UTRN: variants seen among roughly 807,000 people sequenced by gnomAD.
UTRN encodes dystrophin-related protein 1.
Under a neutral mutation model 463.9 loss-of-function variants are expected in UTRN, and 283 were observed. The ratio of observed to expected loss-of-function variants is 0.61; its 90% CI spans 0.55 to 0.67. The LOEUF (loss-of-function observed/expected upper bound fraction) is 0.67, where lower values mean the gene tolerates loss of function less well. UTRN is among the 30% of genes least tolerant of loss of function. The pLI, the probability that UTRN is intolerant of heterozygous loss-of-function variation, is 0.00. For missense variants in UTRN, 3,922 were observed against 4,084.3 expected (o/e 0.96, Z 1.08); for synonymous variants, 1,442 against 1,431.5 (o/e 1.01, Z -0.17).
intron 2 of UTRN, chr6:144,333,086 C>T (rs1420527941): frequency 6.6e-6 from 1 of 151,982 alleles, no homozygotes; most frequent in Non-Finnish European, 1.5e-5. Flanking sequence ...AGGCTCCCAC[C>T]ACCACACGTG....
chr6:144,346,450 G>A (rs1024614783), intron 2 of UTRN, among the ~76,000 whole-genome samples: 3 of 152,180 alleles, frequency 2.0e-5, no homozygotes, highest in Non-Finnish European at 4.4e-5. Flanking sequence ...CTATTGAACT[G>A]ATTTTTTTGT....
At chr6:144,650,831 C>T (rs1288498144) in intron 51 of UTRN, among the ~76,000 whole-genome samples, 2 of 152,100 alleles carry the variant, frequency 1.3e-5, no homozygotes, top group African/African-American at 4.8e-5. Context: ...ATCGCTTGAA[C>T]CCAGGAGACG....
chr6:144,370,521 C>T (rs1178095851), intron 2 of UTRN, among the ~76,000 whole-genome samples: 2 of 152,140 alleles, frequency 1.3e-5, no homozygotes, highest in East Asian at 1.9e-4. Flanking sequence ...GGGGCAGAGC[C>T]CTAATGGAGA....
chr6:144,603,825 C>T (rs1804529053), intron 51 of UTRN, among the ~76,000 whole-genome samples: 1 of 152,106 alleles, frequency 6.6e-6, no homozygotes, highest in Admixed American at 6.5e-5. Flanking sequence ...ATTAAAATAA[C>T]TAGTATTTTT....
At chr6:144,683,633 A>G (rs1562760674) in intron 52 of UTRN, among the ~76,000 whole-genome samples, 1 of 152,148 alleles carries the variant, frequency 6.6e-6, no homozygotes, top group Non-Finnish European at 1.5e-5. Context: ...ATATTTCTCG[A>G]AACTTTTCCA....
At chr6:144,731,701 C>T (rs9484902) in intron 54 of UTRN, among the ~76,000 whole-genome samples, 3,651 of 152,218 alleles carry the variant, frequency 0.024, 88 homozygotes, top group African/African-American at 0.059. Context: ...CACATGTACA[C>T]ACACACACAG....
intron 13 of UTRN, among the ~76,000 whole-genome samples, chr6:144,442,679 A>T (rs1386983322): frequency 1.3e-5 from 2 of 152,196 alleles, no homozygotes; most frequent in Non-Finnish European, 2.9e-5. Flanking sequence ...AGACTTATTC[A>T]CTATAATGAG....
rs879075937 is a variant in UTRN, at chr6:144,461,350, A to G, written c.2853+8A>G. On this transcript the variant is annotated splice_region_variant and intron_variant, in intron 22 of 74. Coordinates refer to ENST00000367545, the MANE Select transcript of UTRN (RefSeq NM_007124.3). ...GCCCTGCAAGAAAAAAAGGTAACAT[A>G]TATCTTCCATGTTAGAACTCTAGCG... is the stretch of plus-strand genomic sequence containing the variant. 6.5e-7 allele frequency: 1 copy of G among 1,543,460 alleles called. No homozygotes were observed. The highest frequency in any genetic ancestry group is 8.8e-7 in the Non-Finnish European group (1 of 1,142,826).
intron 51 of UTRN, among the ~76,000 whole-genome samples, chr6:144,614,385 G>C (rs147067085): frequency 6.6e-6 from 1 of 152,198 alleles, no homozygotes; most frequent in African/African-American, 2.4e-5. Context: ...GGAGTCCCAG[G>C]ACCTTCCCCC....
At chr6:144,827,568 A>G (rs925470111) in intron 67 of UTRN, 43 bp from the exon 68 acceptor site, 4 of 1,610,626 alleles carry the variant, frequency 2.5e-6, no homozygotes, top group Non-Finnish European at 2.5e-6. Context: ...ACACCTATCA[A>G]TATTTGGGCA....
intron 71 of UTRN, chr6:144,838,943 T>G (rs767237386): frequency 4.7e-6 from 2 of 423,432 alleles, no homozygotes; most frequent in Non-Finnish European, 8.4e-6. Flanking sequence ...ATGGTGTTGA[T>G]AAATGAGTCT....
chr6:144,539,368 A>G lies in UTRN; in HGVS notation c.6444A>G (p.Ser2148=). ...WLNRTELEML[S]DKSLSLPERD... ...ATAGAACTGAATTGGAGATGCTTTCAGATAAAAGTCTGAGTTTACCTGAAA... is the reference window on the plus strand; with the variant it reads ...ATAGAACTGAATTGGAGATGCTTTCGGATAAAAGTCTGAGTTTACCTGAAA... The change falls in exon 45 of 75, where the codon TCA becomes TCG. Residue 2148 remains serine, a synonymous_variant. Coordinates refer to ENST00000367545, the MANE Select transcript of UTRN (RefSeq NM_007124.3). The G allele has an allele frequency of 1.2e-6, 2 of 1,613,558 alleles. No individual in the cohort carries two copies. Among genetic ancestry groups the G allele is most frequent in the Non-Finnish European group, 1.7e-6 (2 of 1,179,724 alleles).
intron 19 of UTRN, among the ~76,000 whole-genome samples, chr6:144,457,272 T>C (rs1038919123): frequency 3.3e-5 from 5 of 152,212 alleles, no homozygotes; most frequent in Non-Finnish European, 7.4e-5. Flanking sequence ...TTGTAAGACA[T>C]TGTCAGTGAA....
intron 62 of UTRN, 114 bp from the exon 63 acceptor site, chr6:144,793,720 T>C: frequency 7.7e-7 from 1 of 1,295,310 alleles, no homozygotes; most frequent in Non-Finnish European, 1.1e-6. Flanking sequence ...ATCAGATTCA[T>C]GTCCTTCTGA....
At chr6:144,617,832 G>C (rs553321246) in intron 51 of UTRN, among the ~76,000 whole-genome samples, 2 of 152,268 alleles carry the variant, frequency 1.3e-5, no homozygotes, top group Admixed American at 1.3e-4. Flanking sequence ...TATGCTTGCA[G>C]GGGAGCATAA....
At chr6:144,588,531 C>T (rs920226930) in intron 51 of UTRN, among the ~76,000 whole-genome samples, 2 of 151,968 alleles carry the variant, frequency 1.3e-5, no homozygotes, top group African/African-American at 2.4e-5. Flanking sequence ...AGTACAAATC[C>T]GGAACAAATA....
intron 2 of UTRN, among the ~76,000 whole-genome samples, chr6:144,302,488 C>A (rs568958664): frequency 1.5e-5 from 2 of 136,446 alleles, no homozygotes; most frequent in South Asian, 4.4e-4. Flanking sequence ...CCAGCCTGGG[C>A]AACAGAGTGA....
At chr6:144,803,893 C>T (rs1316454018) in intron 65 of UTRN, among the ~76,000 whole-genome samples, 1 of 151,970 alleles carries the variant, frequency 6.6e-6, no homozygotes, top group African/African-American at 2.4e-5. Context: ...GGTCAAAATA[C>T]TTGATGTCAA....
chr6:144,502,836 A>G (rs1381438882), intron 34 of UTRN, among the ~76,000 whole-genome samples: 1 of 152,132 alleles, frequency 6.6e-6, no homozygotes, highest in South Asian at 2.1e-4. Context: ...CACCTCTTCC[A>G]TAATGGTTGA....
Sources: allele counts gnomAD v4.1 joint callset (sites outside exome capture counted in the v4.1 genomes callset), GRCh38; gene constraint gnomAD v4.1.1; transcripts MANE v1.5; gene names NCBI Gene and HGNC (gene_info 2026-07-23, HGNC 2026-07-21).